Variants in PGM2L1 observed in about 807,000 individuals in gnomAD.
PGM2L1 encodes phosphoglucomutase 2 like 1, also known as glucose 1,6-bisphosphate synthase.
A neutral mutation model predicts 73.4 loss-of-function variants in PGM2L1; 35 were observed. The ratio of observed to expected loss-of-function variants is 0.48; its 90% CI spans 0.36 to 0.63. The LOEUF is 0.63. Ranked by LOEUF, PGM2L1 falls within the 30% of genes least tolerant of loss-of-function variation. The pLI is 0.00. For missense variants in PGM2L1, 570 were observed against 742.0 expected, an observed-to-expected ratio of 0.77 and a Z score of 2.69; for synonymous variants, 225 against 253.8, an observed-to-expected ratio of 0.89 and a Z score of 1.08.
At chr11:74,347,986 T>C (rs1453379895) in intron 6 of PGM2L1, among the ~76,000 whole-genome samples, 1 of 152,196 alleles carries the variant, frequency 6.6e-6, no homozygotes, top group African/African-American at 2.4e-5. Flanking sequence ...TCTCTCCTTA[T>C]TCCTTTCCTC....
intron 1 of PGM2L1, among the ~76,000 whole-genome samples, chr11:74,392,963 A>T (rs1863124672): frequency 6.6e-6 from 1 of 152,206 alleles, no homozygotes; most frequent in African/African-American, 2.4e-5. Context: ...CAGATGACCT[A>T]GGTTTGAGTC....
chr11:74,366,240 A>G (rs991399546), intron 5 of PGM2L1, among the ~76,000 whole-genome samples: 4 of 151,988 alleles, frequency 2.6e-5, no homozygotes, highest in African/African-American at 9.7e-5. Flanking sequence ...GAGGGAAAGC[A>G]TTTGGAGATA....
At chr11:74,343,106 A>T in intron 10 of PGM2L1, 92 bp from the exon 11 acceptor site, 1 of 1,453,144 alleles carries the variant, frequency 6.9e-7, no homozygotes, top group Non-Finnish European at 9.2e-7. Context: ...AGGAAATTTA[A>T]AAGCCTAGTA....
At chr11:74,385,413 TGTA>T (rs751771725) in intron 1 of PGM2L1, among the ~76,000 whole-genome samples, 2 of 152,192 alleles carry the variant, frequency 1.3e-5, no homozygotes, top group Non-Finnish European at 2.9e-5. Context: ...TCATGTATCT[TGTA>T]GTTCTTGGAC....
At position 74,363,687 on chromosome 11, in the gene PGM2L1, C is replaced by A. The variant is rs551108529; in HGVS notation, c.555+4805G>T. Among the ~76,000 whole-genome samples, 143 of 152,220 alleles carry A rather than the reference C, an allele frequency of 9.4e-4. 1 individual carries two copies. Among genetic ancestry groups the A allele is most frequent in the African/African-American group, 3.4e-3 (141 of 41,542 alleles). ...GAAGAAGCTGAATCCCTGAATAGAC[C>A]AATAACAGGCTCTGAAATTGAGGCA... On this transcript the variant is annotated intron_variant, in intron 5 of 13. Transcript: ENST00000298198.
chr11:74,341,885 C>T (rs1391800117), intron 12 of PGM2L1, among the ~76,000 whole-genome samples: 2 of 152,048 alleles, frequency 1.3e-5, no homozygotes, highest in Non-Finnish European at 2.9e-5. Flanking sequence ...GTTCGTGGAA[C>T]CAAGGGTTCC....
chr11:74,374,284 A>C, intron 2 of PGM2L1, 131 bp downstream of exon 2: 1 of 680,552 alleles, frequency 1.5e-6, no homozygotes, highest in Admixed American at 3.5e-5. Flanking sequence ...GGGTTTCACC[A>C]TGTTGGCCAG....
chr11:74,393,839 T>C (rs1230585068), intron 1 of PGM2L1, among the ~76,000 whole-genome samples: 1 of 152,206 alleles, frequency 6.6e-6, no homozygotes, highest in East Asian at 1.9e-4. Flanking sequence ...ACTTTGCCAG[T>C]GCCTAACATC....
chr11:74,356,861 T>C (rs1340904661), intron 5 of PGM2L1, among the ~76,000 whole-genome samples: 1 of 152,012 alleles, frequency 6.6e-6, no homozygotes, highest in Non-Finnish European at 1.5e-5. Context: ...CAGATGGAGT[T>C]TCGGTCTTGT....
chr11:74,368,596 T>C (rs763707649), intron 4 of PGM2L1, 21 bp from the exon 5 acceptor site: 13 of 1,598,980 alleles, frequency 8.1e-6, no homozygotes, highest in Non-Finnish European at 1.0e-5. Flanking sequence ...AATAACACCA[T>C]AATTCCATTT....
chr11:74,369,360 T>C (rs1862714361), intron 4 of PGM2L1, among the ~76,000 whole-genome samples: 1 of 149,002 alleles, frequency 6.7e-6, no homozygotes, highest in Non-Finnish European at 1.5e-5. Flanking sequence ...GGAGTAATAA[T>C]AGAGAGAAAT....
rs547301918 is a variant in PGM2L1 at position 74,351,538 on chromosome 11, A to G, written c.594T>C (p.His198=). The change falls in exon 6 of 14, where the codon CAT becomes CAC. Residue 198 remains histidine, a synonymous_variant. Coordinates refer to ENST00000298198, the MANE Select transcript of PGM2L1 (RefSeq NM_173582.6). Reference sequence around the variant, plus strand: ...CTATACATTTTAGAATTTCTTTATCATGAGGAGATGTGATCTGAGCACCAG... The same window carrying G: ...CTATACATTTTAGAATTTCTTTATCGTGAGGAGATGTGATCTGAGCACCAG... ...WETGAQITSP[H]DKEILKCIEE... 6.1e-5 allele frequency: 98 copies of G among 1,612,420 alleles called. No individual in the cohort carries two copies. The South Asian group carries it at 9.6e-4, about 16-fold the overall frequency.
chr11:74,332,543 A>G lies in PGM2L1; in HGVS notation c.*4109T>C, dbSNP rs1288951465. ...GGCAATAGTCCTTCACAGTAACAAA[A>G]TGTGCAAGGGTGCCTAGGAAAAGTG... On this transcript the variant is annotated 3_prime_UTR_variant, in exon 14 of 14. Transcript: ENST00000298198. The G allele has an allele frequency of 1.3e-5, 2 of 152,670 alleles. No individual in the cohort carries two copies. Among genetic ancestry groups the G allele is most frequent in the Admixed American group, 6.5e-5 (1 of 15,288 alleles). The allele number at this position is 152,670 out of a possible 1,614,324, so 9.5% of individuals were successfully genotyped here.
At chr11:74,370,096 T>G (rs759205437) in intron 4 of PGM2L1, among the ~76,000 whole-genome samples, 1 of 152,214 alleles carries the variant, frequency 6.6e-6, no homozygotes, top group Non-Finnish European at 1.5e-5. Context: ...GTTATCAATG[T>G]TTCTTAACGT....
At chr11:74,374,618 C>A in intron 1 of PGM2L1, 36 bp from the exon 2 acceptor site, 1 of 1,579,384 alleles carries the variant, frequency 6.3e-7, no homozygotes, top group Admixed American at 1.7e-5. Flanking sequence ...AACCAGGAAT[C>A]CAAGCAGAGT....
rs1210363241 is a variant in PGM2L1, at chr11:74,335,846, C to T, written c.*806G>A. ...TCACTTGATATAGAGGAAGCACCTA[C>T]AGATTTTGGAAGATTTTCCTTAGCT... On this transcript the variant is annotated 3_prime_UTR_variant, in exon 14 of 14. Coordinates refer to ENST00000298198, the MANE Select transcript of PGM2L1 (RefSeq NM_173582.6). The T allele has an allele frequency of 6.6e-6, 1 of 152,620 alleles. No homozygotes were observed. Among genetic ancestry groups the T allele is most frequent in the Non-Finnish European group, 1.5e-5 (1 of 68,030 alleles). 9.5% of individuals were successfully genotyped at this position (152,620 alleles called of 1,614,324 possible). A position where few individuals can be genotyped will look rare whatever the true frequency, so the allele number is the denominator to read the frequency against.
intron 6 of PGM2L1, among the ~76,000 whole-genome samples, chr11:74,350,533 G>A (rs1181916379): frequency 6.6e-6 from 1 of 152,116 alleles, no homozygotes; most frequent in Non-Finnish European, 1.5e-5. Flanking sequence ...TATTCATAGA[G>A]TTGTTCAACC....
At chr11:74,386,092 T>C (rs1333289001) in intron 1 of PGM2L1, among the ~76,000 whole-genome samples, 2 of 152,100 alleles carry the variant, frequency 1.3e-5, no homozygotes, top group Admixed American at 6.6e-5. Context: ...TGATAAAAAT[T>C]ACATATATAA....
At chr11:74,356,622 C>G (rs957840171) in intron 5 of PGM2L1, among the ~76,000 whole-genome samples, 1 of 152,066 alleles carries the variant, frequency 6.6e-6, no homozygotes, top group African/African-American at 2.4e-5. Flanking sequence ...ACCATAATAT[C>G]ATGCATGGAA....
Sources: allele counts gnomAD v4.1 joint callset (sites outside exome capture counted in the v4.1 genomes callset), GRCh38; gene constraint gnomAD v4.1.1; transcripts MANE v1.5; gene names NCBI Gene and HGNC (gene_info 2026-07-23, HGNC 2026-07-21).